The following ATP8A2 variants were observed in gnomAD, a reference collection of about 807,000 sequenced individuals.
The protein encoded by ATP8A2 is phospholipid-transporting ATPase IB.
Under a neutral mutation model 165.6 loss-of-function variants are expected in ATP8A2, and 100 were observed. That is an observed-to-expected ratio of 0.60 (90% CI 0.51 to 0.71). The LOEUF is 0.71. ATP8A2 is among the 30% of genes least tolerant of loss of function. ATP8A2 has a pLI of 0.00. For missense variants in ATP8A2, 1,227 were observed against 1,479.5 expected, an observed-to-expected ratio of 0.83 and a Z score of 2.80; for synonymous variants, 543 against 548.8, an observed-to-expected ratio of 0.99 and a Z score of 0.15.
intron 36 of ATP8A2, among the ~76,000 whole-genome samples, chr13:26,019,569 G>A (rs569286695): frequency 4.3e-4 from 65 of 152,232 alleles, no homozygotes; most frequent in Admixed American, 1.9e-3. Flanking sequence ...AAGTGGAGTC[G>A]GGGACCAGTG....
At chr13:26,006,289 TTTC>T (rs1403280468) in intron 35 of ATP8A2, among the ~76,000 whole-genome samples, 12 of 151,980 alleles carry the variant, frequency 7.9e-5, no homozygotes, top group African/African-American at 2.9e-4. Context: ...ATTGGATTGT[TTTC>T]TTAATTTTCT....
At chr13:25,574,786 G>A (rs371202749) in intron 18 of ATP8A2, 22 bp from the exon 19 acceptor site, 12 of 1,467,514 alleles carry the variant, frequency 8.2e-6, no homozygotes, top group Non-Finnish European at 1.1e-5. Context: ...CCTCGGTTAA[G>A]AGCCTATTTT....
intron 33 of ATP8A2, among the ~76,000 whole-genome samples, chr13:25,882,759 A>C (rs1437332743): frequency 6.6e-6 from 1 of 152,176 alleles, no homozygotes. Flanking sequence ...ATGAATTCTA[A>C]AGAGATGTCT....
At chr13:25,740,878 G>T (rs964708591) in intron 25 of ATP8A2, among the ~76,000 whole-genome samples, 3 of 152,126 alleles carry the variant, frequency 2.0e-5, no homozygotes, top group Non-Finnish European at 2.9e-5. Context: ...GAGACCTTTA[G>T]CGTGTTATCT....
At chr13:25,415,721 G>C (rs1451348232) in intron 1 of ATP8A2, among the ~76,000 whole-genome samples, 1 of 152,146 alleles carries the variant, frequency 6.6e-6, no homozygotes, top group Non-Finnish European at 1.5e-5. Flanking sequence ...CATTGGGTTT[G>C]TTTCCTCATC....
chr13:25,859,764 T>C (rs547654813), intron 30 of ATP8A2, among the ~76,000 whole-genome samples: 1 of 152,318 alleles, frequency 6.6e-6, no homozygotes, highest in South Asian at 2.1e-4. Context: ...AATATGCATG[T>C]AGTTATCTTT....
intron 10 of ATP8A2, among the ~76,000 whole-genome samples, chr13:25,546,954 A>G (rs1208145063): frequency 6.6e-6 from 1 of 151,806 alleles, no homozygotes; most frequent in Non-Finnish European, 1.5e-5. Flanking sequence ...ACATGGTGAA[A>G]CCCCATCTCT....
intron 1 of ATP8A2, among the ~76,000 whole-genome samples, chr13:25,378,769 T>G (rs542528968): frequency 6.6e-6 from 1 of 152,348 alleles, no homozygotes; most frequent in South Asian, 2.1e-4. Context: ...CTGTCCTAGC[T>G]ACTCTGCAGC....
At chr13:25,377,080 C>A (rs2032656749) in intron 1 of ATP8A2, among the ~76,000 whole-genome samples, 1 of 152,192 alleles carries the variant, frequency 6.6e-6, no homozygotes, top group South Asian at 2.1e-4. Context: ...TATCTTAAAC[C>A]CTCCTCAGAG....
chr13:25,890,172 A>G (rs1214582671), intron 33 of ATP8A2, among the ~76,000 whole-genome samples: 1 of 152,024 alleles, frequency 6.6e-6, no homozygotes, highest in Admixed American at 6.5e-5. Flanking sequence ...AAAAAAAAGA[A>G]AAGAAAAAAA....
chr13:25,581,286 G>T (rs1312702225), intron 22 of ATP8A2, among the ~76,000 whole-genome samples: 1 of 152,194 alleles, frequency 6.6e-6, no homozygotes, highest in Non-Finnish European at 1.5e-5. Flanking sequence ...TCCTCAGCAT[G>T]AGCTGATCTG....
At chr13:25,647,755 G>A (rs1013780132) in intron 24 of ATP8A2, among the ~76,000 whole-genome samples, 1 of 150,856 alleles carries the variant, frequency 6.6e-6, no homozygotes, top group Non-Finnish European at 1.5e-5. Context: ...GCGTGGTCTC[G>A]GCTCACTGCA....
intron 10 of ATP8A2, among the ~76,000 whole-genome samples, chr13:25,546,815 C>A (rs796786579): frequency 9.2e-5 from 14 of 152,190 alleles, no homozygotes; most frequent in African/African-American, 3.1e-4. Context: ...CCCAAGCTTA[C>A]AAAACTAGTA....
At chr13:25,698,536 C>T (rs1172152468) in intron 24 of ATP8A2, among the ~76,000 whole-genome samples, 1 of 151,216 alleles carries the variant, frequency 6.6e-6, no homozygotes, top group Non-Finnish European at 1.5e-5. Flanking sequence ...GCCCAGCCCA[C>T]TTTTTTTTTA....
In ATP8A2 at chr13:25,372,466, C is replaced by G. The variant is rs2032445440; in HGVS notation, c.76+178C>G. On this transcript the variant is annotated intron_variant, in intron 1 of 36. Transcript: ENST00000381655. This position sits in a 1 kb window ranked among gnomAD's most constrained non-coding sequence, Gnocchi z 4.8. Reference sequence around the variant, plus strand: ...CGCTGGCCGCACGGGGGCTGGGCGTCGCTGCACCTGCGGGGCCAAAAGGCT... The same window carrying G: ...CGCTGGCCGCACGGGGGCTGGGCGTGGCTGCACCTGCGGGGCCAAAAGGCT... 6.6e-6 allele frequency among the ~76,000 whole-genome samples: 1 copy of G among 152,110 alleles called. No individual in the cohort carries two copies. The highest frequency in any genetic ancestry group is 2.4e-5 in the African/African-American group (1 of 41,430).
At chr13:25,778,526 G>A (rs2044793115) in intron 27 of ATP8A2, among the ~76,000 whole-genome samples, 1 of 152,180 alleles carries the variant, frequency 6.6e-6, no homozygotes, top group Non-Finnish European at 1.5e-5. Flanking sequence ...TGTTTTCTGG[G>A]TTGATTACAA....
chr13:25,814,589 A>G (rs981590553), intron 27 of ATP8A2, among the ~76,000 whole-genome samples: 4 of 142,842 alleles, frequency 2.8e-5, no homozygotes, highest in African/African-American at 5.2e-5. Context: ...TAATTAAATG[A>G]TTTTCAACAA....
At chr13:25,479,643 C>T (rs1273385699) in intron 2 of ATP8A2, among the ~76,000 whole-genome samples, 3 of 151,952 alleles carry the variant, frequency 2.0e-5, no homozygotes, top group Non-Finnish European at 2.9e-5. Flanking sequence ...TGAGGCCTTC[C>T]GCAGTGTTTG....
intron 24 of ATP8A2, among the ~76,000 whole-genome samples, chr13:25,601,225 G>C (rs568486641): frequency 6.6e-6 from 1 of 152,122 alleles, no homozygotes; most frequent in Admixed American, 6.5e-5. Flanking sequence ...GTAAGTCGTA[G>C]TTAACTATTT....
Sources: gnomAD v4.1 joint callset for allele counts (sites outside exome capture counted in the v4.1 genomes callset) on GRCh38, gnomAD v4.1.1 for gene constraint, Gnocchi (gnomAD v3.1) non-coding constraint, MANE v1.5 for transcripts, NCBI Gene and HGNC (gene_info 2026-07-23, HGNC 2026-07-21) for gene names.